Variants in CCSER1 observed in about 807,000 individuals in gnomAD.
CCSER1 encodes the protein serine-rich coiled-coil domain-containing protein 1.
In CCSER1, 41 loss-of-function variants were observed where a neutral mutation model predicts 82.0. That is an observed-to-expected ratio of 0.50 (90% CI 0.39 to 0.65). The LOEUF is 0.65. CCSER1 is among the 30% of genes least tolerant of loss of function. CCSER1 has a pLI of 0.00. For missense variants in CCSER1, 1,119 were observed against 1,064.2 expected, an observed-to-expected ratio of 1.05 and a Z score of -0.72; for synonymous variants, 414 against 383.9, an observed-to-expected ratio of 1.08 and a Z score of -0.92.
At chr4:91,268,748 G>A (rs1371989296) in intron 10 of CCSER1, among the ~76,000 whole-genome samples, 1 of 152,200 alleles carries the variant, frequency 6.6e-6, no homozygotes, top group East Asian at 1.9e-4. Flanking sequence ...CAGGGGCGGG[G>A]TCACAAGGTG....
chr4:90,295,743 A>G (rs1731763744), intron 1 of CCSER1, among the ~76,000 whole-genome samples: 2 of 152,172 alleles, frequency 1.3e-5, no homozygotes, highest in African/African-American at 2.4e-5. Flanking sequence ...TAATGTATCA[A>G]TTAGTGCTCC....
At chr4:91,515,863 C>CTT (rs60522453) in intron 10 of CCSER1, among the ~76,000 whole-genome samples, 3 of 135,040 alleles carry the variant, frequency 2.2e-5, no homozygotes, top group Admixed American at 7.4e-5. Context: ...GCCAGCATCT[C>CTT]TTTTTTTTTT....
chr4:91,238,635 TTTTAA>T (rs1465030336), intron 10 of CCSER1, among the ~76,000 whole-genome samples: 1 of 152,178 alleles, frequency 6.6e-6, no homozygotes, highest in Non-Finnish European at 1.5e-5. Context: ...ATTATTATTA[TTTTAA>T]TTTAAGGTCA....
intron 9 of CCSER1, among the ~76,000 whole-genome samples, chr4:91,046,408 A>C (rs2148697053): frequency 6.6e-6 from 1 of 152,196 alleles, no homozygotes; most frequent in African/African-American, 2.4e-5. Context: ...TATTTTTAGT[A>C]ATTATCAGAA....
chr4:90,470,481 G>GA (rs1035912436), intron 5 of CCSER1, among the ~76,000 whole-genome samples: 6 of 151,924 alleles, frequency 3.9e-5, no homozygotes, highest in South Asian at 2.1e-4. Context: ...ACTGGTTTCA[G>GA]AAAAAAAGAA....
chr4:90,380,480 G>T (rs1460486881), intron 3 of CCSER1, among the ~76,000 whole-genome samples: 1 of 152,000 alleles, frequency 6.6e-6, no homozygotes, highest in Non-Finnish European at 1.5e-5. Flanking sequence ...ATTCACTTTT[G>T]ATTGTTTGCT....
At chr4:90,629,610 T>A (rs1723982124) in intron 6 of CCSER1, among the ~76,000 whole-genome samples, 1 of 152,108 alleles carries the variant, frequency 6.6e-6, no homozygotes, top group African/African-American at 2.4e-5. Flanking sequence ...AAAGCTGAGA[T>A]TTGGGTGGGG....
intron 6 of CCSER1, among the ~76,000 whole-genome samples, chr4:90,638,824 CA>C (rs1165902256): frequency 6.6e-6 from 1 of 152,112 alleles, no homozygotes; most frequent in African/African-American, 2.4e-5. Flanking sequence ...ATTTCACTCA[CA>C]AAATTCCACT....
chr4:90,953,591 C>T (rs1293846562), intron 9 of CCSER1, among the ~76,000 whole-genome samples: 1 of 151,364 alleles, frequency 6.6e-6, no homozygotes, highest in Non-Finnish European at 1.5e-5. Context: ...TATATAAATA[C>T]ACCTATACAT....
chr4:90,804,561 C>G (rs919902754), intron 7 of CCSER1, among the ~76,000 whole-genome samples: 1 of 152,074 alleles, frequency 6.6e-6, no homozygotes, highest in Non-Finnish European at 1.5e-5. Flanking sequence ...CTGTTCTGTT[C>G]CATTGGTCTA....
chr4:90,766,418 C>T (rs944403428), intron 7 of CCSER1, among the ~76,000 whole-genome samples: 11 of 152,244 alleles, frequency 7.2e-5, no homozygotes, highest in Middle Eastern at 3.4e-3. Flanking sequence ...AATGCTCACC[C>T]AGAAAGCGAT....
chr4:90,206,644 G>A (rs1738890518), intron 1 of CCSER1, among the ~76,000 whole-genome samples: 1 of 152,054 alleles, frequency 6.6e-6, no homozygotes. Context: ...TAAGTGTGAT[G>A]TGGTGCTGAG....
intron 6 of CCSER1, among the ~76,000 whole-genome samples, chr4:90,694,925 A>G (rs114256974): frequency 0.011 from 1,652 of 151,818 alleles, 33 homozygotes; most frequent in African/African-American, 0.038. Flanking sequence ...ATCGTTTAAT[A>G]TACCACCAAA....
At chr4:90,810,662 A>ACAGCAG (rs1355564902) in intron 7 of CCSER1, among the ~76,000 whole-genome samples, 1 of 150,870 alleles carries the variant, frequency 6.6e-6, no homozygotes, top group Non-Finnish European at 1.5e-5. Flanking sequence ...AACAACAACA[A>ACAGCAG]CAACAACAAC....
Position 90,309,414 on chromosome 4 carries a change from T to C in CCSER1, c.1130T>C (p.Ile377Thr), listed in dbSNP as rs1042362610. 33 of 1,613,658 alleles carry C rather than the reference T, an allele frequency of 2.0e-5. No individual in the cohort carries two copies. Among genetic ancestry groups the C allele is most frequent in the African/African-American group, 2.7e-5 (2 of 74,924 alleles). ...LPADSEREEN[I>T]GLQNGETMLG... Reference sequence around the variant, plus strand: ...GCAGATAGTGAAAGAGAAGAAAATATAGGGTTACAAAATGGTGAAACAATG... The same window carrying C: ...GCAGATAGTGAAAGAGAAGAAAATACAGGGTTACAAAATGGTGAAACAATG... The change falls in exon 2 of 11, where the codon ATA becomes ACA. Residue 377 changes from isoleucine (I) to threonine (T), a missense_variant. By Grantham distance (89) the Ile-to-Thr change is moderately conservative (BLOSUM62 -1). Transcript: ENST00000509176.
At chr4:90,588,809 G>A (rs370096005) in intron 5 of CCSER1, among the ~76,000 whole-genome samples, 5 of 152,216 alleles carry the variant, frequency 3.3e-5, no homozygotes, top group South Asian at 4.1e-4. Context: ...CTTGCCTGCC[G>A]CTATGTAAGC....
intron 10 of CCSER1, among the ~76,000 whole-genome samples, chr4:91,402,909 T>A (rs955204423): frequency 6.6e-6 from 1 of 152,210 alleles, no homozygotes; most frequent in Non-Finnish European, 1.5e-5. Flanking sequence ...AACTTTAAAG[T>A]AGTTTTTTCC....
chr4:90,438,925 A>C (rs1759455623), intron 4 of CCSER1, among the ~76,000 whole-genome samples: 1 of 152,194 alleles, frequency 6.6e-6, no homozygotes, highest in Non-Finnish European at 1.5e-5. Flanking sequence ...AGCATATTGG[A>C]AATGAGAAAC....
intron 5 of CCSER1, among the ~76,000 whole-genome samples, chr4:90,577,816 A>T (rs1780931153): frequency 6.6e-6 from 1 of 152,136 alleles, no homozygotes; most frequent in African/African-American, 2.4e-5. Context: ...TTTGACAAAT[A>T]ATTTTTATTT....
Sources: allele counts gnomAD v4.1 joint callset (sites outside exome capture counted in the v4.1 genomes callset), GRCh38; gene constraint gnomAD v4.1.1; transcripts MANE v1.5; gene names NCBI Gene and HGNC (gene_info 2026-07-23, HGNC 2026-07-21).